ZKSCAN5: variants seen among roughly 807,000 people sequenced by gnomAD.
ZKSCAN5 encodes the protein zinc finger protein with KRAB and SCAN domains 5.
Under a neutral mutation model 60.0 loss-of-function variants are expected in ZKSCAN5, and 28 were observed. The ratio of observed to expected loss-of-function variants is 0.47; its 90% CI spans 0.35 to 0.64. The LOEUF (loss-of-function observed/expected upper bound fraction) is 0.64. Ranked by LOEUF, ZKSCAN5 falls within the 30% of genes least tolerant of loss-of-function variation. The pLI is 0.01. For synonymous variants in ZKSCAN5, 361 were observed against 371.2 expected, an observed-to-expected ratio of 0.97 and a Z score of 0.31; for missense variants, 881 against 1,034.6, an observed-to-expected ratio of 0.85 and a Z score of 2.04.
intron 1 of ZKSCAN5, chr7:99,505,133 C>G (rs1445461017): frequency 2.6e-5 from 4 of 152,098 alleles, no homozygotes; most frequent in Non-Finnish European, 5.9e-5. Context: ...TCCCATCTCC[C>G]CGCCGATTGG....
intron 3 of ZKSCAN5, among the ~76,000 whole-genome samples, chr7:99,517,698 T>G (rs1263266732): frequency 3.3e-5 from 5 of 150,978 alleles, no homozygotes; most frequent in Non-Finnish European, 5.9e-5. Flanking sequence ...CAAAACAAAA[T>G]TAGCCGGGTG....
chr7:99,514,271 A>G (rs574553926), intron 3 of ZKSCAN5, among the ~76,000 whole-genome samples: 6 of 152,284 alleles, frequency 3.9e-5, no homozygotes, highest in South Asian at 2.1e-4. Context: ...CTAGGATGTT[A>G]TCATTTGAAA....
intron 1 of ZKSCAN5, chr7:99,505,196 A>G (rs1197950124): frequency 3.4e-5 from 5 of 145,970 alleles, no homozygotes; most frequent in African/African-American, 1.4e-4. Context: ...AGGACGCGGA[A>G]GTGCTTTCGG....
rs1398182047 is a variant in ZKSCAN5 at position 99,533,559 on chromosome 7, G to T, written c.*1310G>T. 2.2e-5 allele frequency: 9 copies of T among 410,496 alleles called. No individual in the cohort carries two copies. 25.4% of individuals were successfully genotyped at this position (410,496 alleles called of 1,614,324 possible). On this transcript the variant is annotated 3_prime_UTR_variant, in exon 7 of 7. Coordinates refer to ENST00000326775, the MANE Select transcript of ZKSCAN5 (RefSeq NM_145102.4). ...TGGGCTGCAAGTGCTCACAGCTCTT[G>T]TTCTCCAGAAACTGGAGAATTGCCC...
chr7:99,527,945 T>C (rs1801867497), intron 6 of ZKSCAN5, among the ~76,000 whole-genome samples: 1 of 152,088 alleles, frequency 6.6e-6, no homozygotes. Flanking sequence ...CGCCTTGGCC[T>C]CCCAAAGTGC....
chr7:99,513,255 C>T (rs892338718), intron 3 of ZKSCAN5, among the ~76,000 whole-genome samples: 2 of 151,940 alleles, frequency 1.3e-5, no homozygotes, highest in Non-Finnish European at 2.9e-5. Flanking sequence ...CACATGCACA[C>T]GTATGTTTAT....
At chr7:99,507,003 T>C (rs1320230142) in intron 2 of ZKSCAN5, among the ~76,000 whole-genome samples, 1 of 152,122 alleles carries the variant, frequency 6.6e-6, no homozygotes, top group Non-Finnish European at 1.5e-5. Context: ...GCCACTGTAT[T>C]TATTTTTTGA....
In ZKSCAN5 at chr7:99,526,309, C is replaced by T. The variant is rs749684964; in HGVS notation, c.1269C>T (p.Val423=). The T allele has an allele frequency of 6.2e-7, 1 of 1,612,142 alleles. No homozygotes were observed. Among genetic ancestry groups the T allele is most frequent in the Admixed American group, 1.7e-5 (1 of 60,016 alleles). ...CCCACCTGGTTCAGCACCACAGTGT[C>T]CACAGCGGAGAGAGGCCCTATGGCT... ...VSSHLVQHHS[V]HSGERPYGCN... The change falls in exon 6 of 7, where the codon GTC becomes GTT. Residue 423 remains valine, a synonymous_variant. Transcript: ENST00000326775.
In ZKSCAN5 at chr7:99,506,285, C is replaced by T. The variant is rs1355568257; in HGVS notation, c.241C>T (p.Pro81Ser). 1 of 1,614,188 alleles carries T rather than the reference C, an allele frequency of 6.2e-7. No individual in the cohort carries two copies. The highest frequency in any genetic ancestry group is 8.5e-7 in the Non-Finnish European group (1 of 1,180,028). ...GGTGCTCTGCTGTGAGTGGCTGAGGCCCGAGCTGCACACGAAGGAGCAGAT... is the reference window on the plus strand; with the variant it reads ...GGTGCTCTGCTGTGAGTGGCTGAGGTCCGAGCTGCACACGAAGGAGCAGAT... The part of the protein sequence containing the change: ...LRVLCCEWLR[P>S]ELHTKEQILE... Residue 81 changes from proline to serine, a missense_variant, in exon 2 of 7, where the codon CCC (proline) becomes TCC (serine). Physicochemically the swap from Pro to Ser is moderately conservative, Grantham distance 74. Transcript: ENST00000326775.
chr7:99,528,375 G>T (rs942141106), intron 6 of ZKSCAN5, among the ~76,000 whole-genome samples: 1 of 152,038 alleles, frequency 6.6e-6, no homozygotes, highest in African/African-American at 2.4e-5. Flanking sequence ...TGTTTCTATG[G>T]CTAGTTTCCC....
intron 2 of ZKSCAN5, among the ~76,000 whole-genome samples, chr7:99,510,141 C>T (rs1353887322): frequency 1.3e-5 from 2 of 152,004 alleles, no homozygotes; most frequent in African/African-American, 4.8e-5. Flanking sequence ...GCCTAGTTGC[C>T]TAGCCTGGTC....
chr7:99,510,547 C>G (rs1055776291), intron 2 of ZKSCAN5, among the ~76,000 whole-genome samples: 28 of 152,080 alleles, frequency 1.8e-4, no homozygotes, highest in Non-Finnish European at 3.4e-4. Flanking sequence ...CGGGTTCAAG[C>G]GATTCTCCTG....
chr7:99,507,491 G>A (rs1313456135), intron 2 of ZKSCAN5, among the ~76,000 whole-genome samples: 1 of 142,648 alleles, frequency 7.0e-6, no homozygotes, highest in Non-Finnish European at 1.5e-5. Context: ...GTGTATATAT[G>A]TATATATGTG....
At position 99,526,281 on chromosome 7, in the gene ZKSCAN5, G is replaced by A. The variant is rs781316660; in HGVS notation, c.1241G>A (p.Ser414Asn). ...GTGTGCGGAAAGGCTTTCCGGGTGA[G>A]TTCCCACCTGGTTCAGCACCACAGT... ...CQVCGKAFRVSSHLVQHHSVH... is the reference protein window; with the variant it reads ...CQVCGKAFRVNSHLVQHHSVH... Residue 414 changes from serine to asparagine, a missense_variant, in exon 6 of 7, where the codon AGT (serine) becomes AAT (asparagine). Coordinates refer to ENST00000326775, the MANE Select transcript of ZKSCAN5 (RefSeq NM_145102.4). 1.2e-6 allele frequency: 2 copies of A among 1,613,386 alleles called. No homozygotes were observed. Among genetic ancestry groups the A allele is most frequent in the South Asian group, 2.2e-5 (2 of 91,084 alleles).
chr7:99,507,463 G>A (rs139511767), intron 2 of ZKSCAN5, among the ~76,000 whole-genome samples: 5,590 of 132,724 alleles, frequency 0.042, 115 homozygotes, highest in South Asian at 0.064. Context: ...ATATATATGC[G>A]TATATATGTG....
intron 2 of ZKSCAN5, among the ~76,000 whole-genome samples, chr7:99,509,672 T>C (rs1213506340): frequency 1.3e-5 from 2 of 151,410 alleles, no homozygotes; most frequent in Admixed American, 1.3e-4. Context: ...TTCACCGTGT[T>C]AGCCAGGATG....
chr7:99,514,884 C>T (rs1801194337), intron 3 of ZKSCAN5, among the ~76,000 whole-genome samples: 1 of 150,504 alleles, frequency 6.6e-6, no homozygotes, highest in African/African-American at 2.5e-5. Flanking sequence ...GCACTCCAGC[C>T]TGGGTGACAA....
In ZKSCAN5 at chr7:99,534,658, A is replaced by G. The variant is rs1379983768; in HGVS notation, c.*2409A>G. The G allele has an allele frequency of 7.5e-6, 1 of 132,794 alleles. No homozygotes were observed. The highest frequency in any genetic ancestry group is 1.5e-5 in the Non-Finnish European group (1 of 64,562). 8.2% of individuals were successfully genotyped at this position (132,794 alleles called of 1,614,324 possible). A position where few individuals can be genotyped will look rare whatever the true frequency, so the allele number is the denominator to read the frequency against. ...ACGCCACTGCACTCTAGCCCAGTTG[A>G]CAGAGCGACAGTGTCTAAAAAAAAA... On this transcript the variant is annotated 3_prime_UTR_variant, in exon 7 of 7. Transcript: ENST00000326775.
Position 99,533,363 on chromosome 7 carries a change from T to C in ZKSCAN5, c.*1114T>C, listed in dbSNP as rs1802139043. The C allele has an allele frequency of 1.7e-6, 1 of 598,802 alleles. No homozygotes were observed. The allele number at this position is 598,802 out of a possible 1,614,324, so 37.1% of individuals were successfully genotyped here. ...GTGAGAGAGTTCTGAGCCTGTTTGC[T>C]AGGGAGAGTGAGTGAGTGCTCTTGG... On this transcript the variant is annotated 3_prime_UTR_variant, in exon 7 of 7. Coordinates refer to ENST00000326775, the MANE Select transcript of ZKSCAN5 (RefSeq NM_145102.4).
Sources: allele counts gnomAD v4.1 joint callset (sites outside exome capture counted in the v4.1 genomes callset), GRCh38; gene constraint gnomAD v4.1.1; transcripts MANE v1.5; gene names NCBI Gene and HGNC (gene_info 2026-07-23, HGNC 2026-07-21).